The following ATP5F1B variants were observed in gnomAD, a reference collection of about 807,000 sequenced individuals.
ATP5F1B encodes ATP synthase F1 subunit beta, also known as ATP synthase F(1) complex subunit beta, mitochondrial.
ATP5F1B carries 17 observed loss-of-function variants against 45.9 expected under a neutral mutation model. That is an observed-to-expected ratio of 0.37 (90% CI 0.25 to 0.56). The LOEUF (loss-of-function observed/expected upper bound fraction) is 0.56, where lower values mean the gene tolerates loss of function less well. Among genes scored for constraint, ATP5F1B ranks in the 20% least tolerant of loss-of-function variants. The probability of loss-of-function intolerance (pLI) is 0.80; values close to 1 mark genes in which losing one functional copy is unlikely to be tolerated. For missense variants in ATP5F1B, 387 were observed against 673.2 expected, an observed-to-expected ratio of 0.57 and a Z score of 4.70; for synonymous variants, 218 against 256.5, an observed-to-expected ratio of 0.85 and a Z score of 1.43.
intron 7 of ATP5F1B, among the ~76,000 whole-genome samples, chr12:56,641,401 A>T (rs899780592): frequency 1.3e-5 from 2 of 151,998 alleles, no homozygotes; most frequent in Non-Finnish European, 2.9e-5. Flanking sequence ...AAGAACAAAA[A>T]ACTTCTTGCA....
chr12:56,643,242 A>G, intron 5 of ATP5F1B, 161 bp downstream of exon 5: 1 of 579,222 alleles, frequency 1.7e-6, no homozygotes, highest in African/African-American at 1.9e-5. Context: ...GGGGGAAAAC[A>G]CTAACAGGTT....
chr12:56,638,209 A>G lies in ATP5F1B; in HGVS notation c.*114T>C. ...GTGTACATTTTATTGGAAACCTTAA[A>G]TACTGTTCAGAAAGAATATATCTTC... On this transcript the variant is annotated 3_prime_UTR_variant, in exon 10 of 10. Coordinates refer to ENST00000262030, the MANE Select transcript of ATP5F1B (RefSeq NM_001686.4). 1.1e-6 allele frequency: 1 copy of G among 910,090 alleles called. No homozygotes were observed. Among genetic ancestry groups the G allele is most frequent in the East Asian group, 2.4e-5 (1 of 41,406 alleles). The allele number at this position is 910,090 out of a possible 1,614,324, so 56.4% of individuals were successfully genotyped here.
rs779399792 is a variant in ATP5F1B at position 56,640,052 on chromosome 12, A to G, written c.1215T>C (p.Ser405=). The part of the protein sequence containing the change: ...YPAVDPLDST[S]RIMDPNIVGS... The stretch of plus-strand genomic sequence containing the variant: ...CAACAATGTTGGGATCCATGATACG[A>G]GAGGTGGAGTCTAGAGGATCCACAG... The change falls in exon 8 of 10, where the codon TCT becomes TCC. Residue 405 remains serine, a synonymous_variant. Coordinates refer to ENST00000262030, the MANE Select transcript of ATP5F1B (RefSeq NM_001686.4). 6.2e-7 allele frequency: 1 copy of G among 1,613,934 alleles called. No homozygotes were observed. Among genetic ancestry groups the G allele is most frequent in the Non-Finnish European group, 8.5e-7 (1 of 1,180,008 alleles).
chr12:56,638,299 GAC>G lies in ATP5F1B; in HGVS notation c.*22_*23del. ...TTTTTGGGTTAGGGGCAAGGAGAGA[GAC>G]AGTACAGAGGACAAAGACCCCTCAC... is the stretch of plus-strand genomic sequence containing the variant. On this transcript the variant is annotated 3_prime_UTR_variant, in exon 10 of 10. Coordinates refer to ENST00000262030, the MANE Select transcript of ATP5F1B (RefSeq NM_001686.4). 2 of 1,597,132 alleles carry G rather than the reference GAC, an allele frequency of 1.3e-6. No homozygotes were observed. The highest frequency in any genetic ancestry group is 1.7e-6 in the Non-Finnish European group (2 of 1,165,342).
At chr12:56,641,861 G>A (rs1951514527) in intron 7 of ATP5F1B, among the ~76,000 whole-genome samples, 1 of 151,718 alleles carries the variant, frequency 6.6e-6, no homozygotes, top group African/African-American at 2.4e-5. Context: ...CCAAAGTGCT[G>A]GAATTACAAG....
At position 56,645,129 on chromosome 12, in the gene ATP5F1B, G is replaced by A. The variant is rs780824031; in HGVS notation, c.310+42C>T. On this transcript the variant is annotated intron_variant, in intron 2 of 9. Coordinates refer to ENST00000262030, the MANE Select transcript of ATP5F1B (RefSeq NM_001686.4). ...GACAGCTTGGTTTTGGGGATATTTG[G>A]GCTACACAAGGTCTTTACTATTCCT... The A allele has an allele frequency of 2.5e-6, 4 of 1,612,654 alleles. No individual in the cohort carries two copies. In the East Asian group the frequency reaches 6.7e-5, roughly 27 times the overall value.
rs1017345397 is a variant in ATP5F1B, at chr12:56,638,573, A to G, written c.1490-150T>C. 4.4e-6 allele frequency: 3 copies of G among 682,744 alleles called. No individual in the cohort carries two copies. In the South Asian group the frequency reaches 5.4e-5, roughly 12 times the overall value. 42.3% of individuals were successfully genotyped at this position (682,744 alleles called of 1,614,324 possible). Reference sequence around the variant, plus strand: ...AAAGCTTAAATTTCCCTCACAAATCAAATTTACAAGATATGATACAGTATG... The same window carrying G: ...AAAGCTTAAATTTCCCTCACAAATCGAATTTACAAGATATGATACAGTATG... On this transcript the variant is annotated intron_variant, in intron 9 of 9. Transcript: ENST00000262030.
intron 7 of ATP5F1B, among the ~76,000 whole-genome samples, chr12:56,640,473 C>T (rs1165711999): frequency 3.3e-5 from 5 of 152,056 alleles, no homozygotes; most frequent in African/African-American, 9.7e-5. Context: ...CGTGATCCAC[C>T]CGCCTTGGCC....
At chr12:56,644,385 G>A (rs1951535480) in intron 3 of ATP5F1B, among the ~76,000 whole-genome samples, 1 of 119,890 alleles carries the variant, frequency 8.3e-6, no homozygotes, top group South Asian at 2.7e-4. Flanking sequence ...AGGTGGGGGG[G>A]GAATCACCCA....
In ATP5F1B at chr12:56,645,921, C is replaced by G; in HGVS notation, c.43G>C (p.Gly15Arg). ...GAAGGGGTGAGTCTCCGCAAGGCCC[C>G]GGAGGCCGGAGCAGCGGCCACCCGA... ...VGRVAAAPAS[G>R]ALRRLTPSAS... Residue 15 changes from glycine (G) to arginine (R), a missense_variant, in exon 1 of 10, where the codon GGG becomes CGG. Physicochemically the swap from Gly to Arg is moderately radical, Grantham distance 125. Around this residue, in one of 6 missense-constraint regions of ATP5F1B, gnomAD observed 76 missense variants for 62.0 expected, o/e 1.23. Coordinates refer to ENST00000262030, the MANE Select transcript of ATP5F1B (RefSeq NM_001686.4). The G allele has an allele frequency of 6.2e-7, 1 of 1,607,080 alleles. No individual in the cohort carries two copies. The highest frequency in any genetic ancestry group is 8.5e-7 in the Non-Finnish European group (1 of 1,177,406).
chr12:56,642,952 T>C, intron 5 of ATP5F1B, 121 bp from the exon 6 acceptor site: 4 of 1,134,702 alleles, frequency 3.5e-6, no homozygotes, highest in Non-Finnish European at 4.9e-6. Context: ...CGTTTTTGTG[T>C]GCAAGTTTCT....
At chr12:56,640,462 T>C (rs1951503628) in intron 7 of ATP5F1B, among the ~76,000 whole-genome samples, 1 of 152,020 alleles carries the variant, frequency 6.6e-6, no homozygotes, top group East Asian at 1.9e-4. Flanking sequence ...ACTCCTGACC[T>C]CGTGATCCAC....
chr12:56,640,700 T>G (rs1951505009), intron 7 of ATP5F1B, among the ~76,000 whole-genome samples: 1 of 152,148 alleles, frequency 6.6e-6, no homozygotes, highest in Non-Finnish European at 1.5e-5. Context: ...TCATTCTTTT[T>G]GTTCTTCATC....
rs758692967 is a variant in ATP5F1B at position 56,643,567 on chromosome 12, C to CTCCA, written c.624_627dup (p.Val210TrpfsTer30). 6.2e-7 allele frequency: 1 copy of CTCCA among 1,614,170 alleles called. No homozygotes were observed. The highest frequency in any genetic ancestry group is 8.5e-7 in the Non-Finnish European group (1 of 1,180,026). Reference sequence around the variant, plus strand: ...TCCATGATCAGTACAGTCTTGCCAACTCCAGCACCACCAAAAAGCCCTATA... The same window carrying CTCCA: ...TCCATGATCAGTACAGTCTTGCCAACTCCATCCAGCACCACCAAAAAGCCCTATA... On this transcript the variant is annotated frameshift_variant, in exon 5 of 10. Coordinates refer to ENST00000262030, the MANE Select transcript of ATP5F1B (RefSeq NM_001686.4). LOFTEE classifies it high-confidence loss of function.
chr12:56,643,621 G>A, intron 4 of ATP5F1B, 34 bp from the exon 5 acceptor site: 3 of 1,611,568 alleles, frequency 1.9e-6, no homozygotes, highest in Non-Finnish European at 2.5e-6. Flanking sequence ...ATATTTAAGA[G>A]TTCTGCTTTC....
intron 1 of ATP5F1B, among the ~76,000 whole-genome samples, chr12:56,645,605 T>C (rs1951543921): frequency 6.6e-6 from 1 of 152,174 alleles, no homozygotes; most frequent in Non-Finnish European, 1.5e-5. Context: ...TCAACGCACC[T>C]GCCCGCACCT....
At chr12:56,642,409 C>T (rs778262428) in intron 7 of ATP5F1B, 49 bp downstream of exon 7, 5 of 1,609,172 alleles carry the variant, frequency 3.1e-6, no homozygotes, top group East Asian at 4.5e-5. Context: ...TGCACCACTG[C>T]ACCCTGCCTT....
chr12:56,642,445 T>C lies in ATP5F1B; in HGVS notation c.1074+13A>G. ...TATACAAATCAGATCTTCATCTATG[T>C]AATTTTTCTTACCTGTACAGAGGTG... On this transcript the variant is annotated intron_variant, in intron 7 of 9. Coordinates refer to ENST00000262030, the MANE Select transcript of ATP5F1B (RefSeq NM_001686.4). 1.2e-6 allele frequency: 2 copies of C among 1,613,432 alleles called. No homozygotes were observed. Among genetic ancestry groups the C allele is most frequent in the Non-Finnish European group, 1.7e-6 (2 of 1,179,960 alleles).
intron 8 of ATP5F1B, 46 bp downstream of exon 8, chr12:56,639,934 T>A: frequency 3.1e-6 from 5 of 1,600,132 alleles, no homozygotes; most frequent in Non-Finnish European, 3.4e-6. Flanking sequence ...CCACAGGCCC[T>A]CTTTTTGACT....
Sources: allele counts gnomAD v4.1 joint callset (sites outside exome capture counted in the v4.1 genomes callset), GRCh38; gene constraint gnomAD v4.1.1; regional missense constraint gnomAD v4.1.1; transcripts MANE v1.5; gene names NCBI Gene and HGNC (gene_info 2026-07-23, HGNC 2026-07-21).